MBOAT2: variants seen among roughly 807,000 people sequenced by gnomAD.
MBOAT2 encodes the protein membrane bound glycerophospholipid O-acyltransferase 2.
A neutral mutation model predicts 63.4 loss-of-function variants in MBOAT2; 28 were observed. The observed-to-expected ratio is 0.44, with a 90% CI of 0.33 to 0.61. MBOAT2 has a LOEUF of 0.61. MBOAT2 is among the 20% of genes least tolerant of loss of function. The pLI, the probability that MBOAT2 is intolerant of heterozygous loss-of-function variation, is 0.03. For synonymous variants in MBOAT2, 211 were observed against 215.6 expected, an observed-to-expected ratio of 0.98 and a Z score of 0.19; for missense variants, 470 against 605.8, an observed-to-expected ratio of 0.78 and a Z score of 2.35.
rs2148594038 is a variant in MBOAT2 at position 8,912,361 on chromosome 2, GAAAGAAAGAAAGAGAAAGAA to G, written c.300-3665_300-3646del. On this transcript the variant is annotated intron_variant, in intron 3 of 12. Transcript: ENST00000305997. ...AAAGAAAGAAAGAAAGAGAAAGAAA[GAAAGAAAGAAAGAGAAAGAA>G]AGAAAGAAAGAAAGAAAGAAAGAAA... Among the ~76,000 whole-genome samples the G allele has an allele frequency of 2.9e-5, 3 of 105,066 alleles. No homozygotes were observed. The South Asian group carries it at 9.5e-4, about 33-fold the overall frequency. 68.9% of individuals were successfully genotyped at this position (105,066 alleles called of 152,430 possible).
chr2:8,862,439 C>A lies in MBOAT2; in HGVS notation c.1185+151G>T. The A allele has an allele frequency of 3.8e-6, 5 of 1,308,482 alleles. No homozygotes were observed. The highest frequency in any genetic ancestry group is 5.2e-6 in the Non-Finnish European group (5 of 955,682). 81.1% of individuals were successfully genotyped at this position (1,308,482 alleles called of 1,614,324 possible). A position where few individuals can be genotyped will look rare whatever the true frequency, so the allele number is the denominator to read the frequency against. On this transcript the variant is annotated intron_variant, in intron 11 of 12. Transcript: ENST00000305997. The surrounding 1 kb of genome is among the most constrained non-coding windows in gnomAD (Gnocchi z 4.3). Reference sequence around the variant, plus strand: ...TAGCCCGTGGTGAGCGCTCAGCAAACATGCACGCAGTACACACCTCGCTTC... The same window carrying A: ...TAGCCCGTGGTGAGCGCTCAGCAAAAATGCACGCAGTACACACCTCGCTTC...
At chr2:8,946,637 A>T (rs1668432600) in intron 2 of MBOAT2, among the ~76,000 whole-genome samples, 1 of 152,214 alleles carries the variant, frequency 6.6e-6, no homozygotes, top group East Asian at 1.9e-4. Flanking sequence ...GGTAATTCTC[A>T]ACAATATTTC....
intron 8 of MBOAT2, among the ~76,000 whole-genome samples, chr2:8,870,044 C>A (rs1469279566): frequency 6.6e-6 from 1 of 152,174 alleles, no homozygotes; most frequent in Admixed American, 6.5e-5. Flanking sequence ...CACCACAGAC[C>A]CTGCCTAATC....
intron 5 of MBOAT2, among the ~76,000 whole-genome samples, chr2:8,884,227 C>T (rs1034499701): frequency 1.4e-5 from 2 of 138,098 alleles, no homozygotes. Context: ...AAAAGTCTGG[C>T]TCTGAGAAAT....
At chr2:8,928,857 G>A (rs576375750) in intron 3 of MBOAT2, among the ~76,000 whole-genome samples, 1 of 152,268 alleles carries the variant, frequency 6.6e-6, no homozygotes, top group South Asian at 2.1e-4. Flanking sequence ...ATGTCTAAGT[G>A]TTATTACTAT....
intron 3 of MBOAT2, among the ~76,000 whole-genome samples, chr2:8,918,526 A>C (rs1666346122): frequency 6.6e-6 from 1 of 152,228 alleles, no homozygotes; most frequent in Admixed American, 6.5e-5. Flanking sequence ...TGCTGGGTGC[A>C]GGGATGCCAC....
intron 3 of MBOAT2, among the ~76,000 whole-genome samples, chr2:8,927,968 C>T (rs920207098): frequency 6.6e-6 from 1 of 152,024 alleles, no homozygotes; most frequent in Non-Finnish European, 1.5e-5. Context: ...GGGGAGGTCT[C>T]GGGAAGCTTA....
intron 4 of MBOAT2, among the ~76,000 whole-genome samples, chr2:8,907,091 AAATT>A (rs1373581296): frequency 6.6e-6 from 1 of 152,186 alleles, no homozygotes; most frequent in African/African-American, 2.4e-5. Context: ...ACATTAAACT[AAATT>A]AATTAAAAGT....
chr2:8,894,530 C>T (rs1317501742), intron 4 of MBOAT2, among the ~76,000 whole-genome samples: 1 of 152,158 alleles, frequency 6.6e-6, no homozygotes, highest in East Asian at 1.9e-4. Context: ...CCAAGGGGGG[C>T]CTTCCATGAC....
chr2:8,953,638 A>C (rs1303330588), intron 2 of MBOAT2, among the ~76,000 whole-genome samples: 2 of 152,074 alleles, frequency 1.3e-5, no homozygotes, highest in Non-Finnish European at 2.9e-5. Context: ...TCATTTATTA[A>C]AATTCTTTTT....
intron 1 of MBOAT2, among the ~76,000 whole-genome samples, chr2:8,974,748 C>T (rs971127309): frequency 2.0e-5 from 3 of 152,084 alleles, no homozygotes; most frequent in Admixed American, 2.0e-4. Flanking sequence ...TGCTTGCTTT[C>T]AAATTTCCAA....
intron 5 of MBOAT2, among the ~76,000 whole-genome samples, chr2:8,886,032 T>A (rs955039929): frequency 6.6e-6 from 1 of 152,230 alleles, no homozygotes; most frequent in Non-Finnish European, 1.5e-5. Context: ...ATGTCTAGCC[T>A]ATTTGTGCCA....
intron 8 of MBOAT2, among the ~76,000 whole-genome samples, chr2:8,872,481 T>C (rs1309324024): frequency 6.6e-6 from 1 of 152,116 alleles, no homozygotes; most frequent in African/African-American, 2.4e-5. Flanking sequence ...GGGGTCTCAC[T>C]ATGTTGCCCA....
At chr2:8,865,455 AG>A (rs1454249435) in intron 9 of MBOAT2, among the ~76,000 whole-genome samples, 2 of 152,098 alleles carry the variant, frequency 1.3e-5, no homozygotes, top group Admixed American at 1.3e-4. Flanking sequence ...CTTCTCCTTT[AG>A]GGCCAATGTC....
chr2:8,860,825 C>T (rs978590222), intron 11 of MBOAT2, 61 bp from the exon 12 acceptor site: 7 of 1,289,566 alleles, frequency 5.4e-6, no homozygotes, highest in Non-Finnish European at 1.1e-6. Context: ...TATGCAGTTA[C>T]ACTGGTGATA....
intron 3 of MBOAT2, among the ~76,000 whole-genome samples, chr2:8,931,438 GTTT>G (rs945334031): frequency 1.3e-5 from 2 of 151,996 alleles, no homozygotes; most frequent in Non-Finnish European, 2.9e-5. Flanking sequence ...TGATGGCTTT[GTTT>G]TTTTCTTGTA....
intron 9 of MBOAT2, among the ~76,000 whole-genome samples, chr2:8,867,292 C>T (rs895703739): frequency 5.3e-5 from 8 of 152,186 alleles, no homozygotes; most frequent in African/African-American, 1.9e-4. Context: ...GCTGGGATTA[C>T]AGGTGTGAGC....
chr2:8,918,538 A>G (rs1224453091), intron 3 of MBOAT2, among the ~76,000 whole-genome samples: 1 of 152,228 alleles, frequency 6.6e-6, no homozygotes, highest in Non-Finnish European at 1.5e-5. Context: ...GGATGCCACA[A>G]ACTTTCTGTT....
intron 4 of MBOAT2, among the ~76,000 whole-genome samples, chr2:8,894,957 A>G (rs1318567324): frequency 5.3e-5 from 8 of 151,992 alleles, no homozygotes; most frequent in Non-Finnish European, 1.5e-5. Flanking sequence ...CAGTTCATAA[A>G]GGCGGCACGT....
Sources: gnomAD v4.1 joint callset for allele counts (sites outside exome capture counted in the v4.1 genomes callset) on GRCh38, gnomAD v4.1.1 for gene constraint, Gnocchi (gnomAD v3.1) non-coding constraint, MANE v1.5 for transcripts, NCBI Gene and HGNC (gene_info 2026-07-23, HGNC 2026-07-21) for gene names.